The following EPHB6 variants were observed in gnomAD, a reference collection of about 807,000 sequenced individuals.
EPHB6 encodes ephrin type-B receptor 6.
A neutral mutation model predicts 107.0 loss-of-function variants in EPHB6; 51 were observed. That is an observed-to-expected ratio of 0.48 (90% CI 0.38 to 0.60). The LOEUF (loss-of-function observed/expected upper bound fraction) is 0.60. Ranked by LOEUF, EPHB6 falls within the 20% of genes least tolerant of loss-of-function variation. The probability of loss-of-function intolerance (pLI) is 0.00; values close to 1 mark genes in which losing one functional copy is unlikely to be tolerated. For missense variants in EPHB6, 1,141 were observed against 1,355.5 expected (o/e 0.84, Z 2.48); for synonymous variants, 553 against 549.0 (o/e 1.01, Z -0.10).
In EPHB6 at chr7:142,864,482, C is replaced by T. The variant is rs1803034716; in HGVS notation, c.682C>T (p.Leu228Phe). Residue 228 changes from leucine (L) to phenylalanine (F), a missense_variant, in exon 7 of 20, where the codon CTC becomes TTC. By Grantham distance (22) the Leu-to-Phe change is conservative (BLOSUM62 0). Transcript: ENST00000652003. ...GACLALVAVR[L>F]FSYTCPAVLR... ...CTGCCTGGCCCTGGTCGCTGTCAGG[C>T]TCTTCTCCTACACCTGCCCTGCCGT... is the stretch of plus-strand genomic sequence containing the variant. 1.9e-6 allele frequency: 3 copies of T among 1,613,168 alleles called. No individual in the cohort carries two copies. The East Asian group carries it at 6.7e-5, about 36-fold the overall frequency.
chr7:142,870,972 G>T lies in EPHB6; in HGVS notation c.*68G>T. 6.8e-7 allele frequency: 1 copy of T among 1,461,958 alleles called. No homozygotes were observed. Among genetic ancestry groups the T allele is most frequent in the Non-Finnish European group, 9.3e-7 (1 of 1,071,652 alleles). The allele number at this position is 1,461,958 out of a possible 1,614,324, so 90.6% of individuals were successfully genotyped here. On this transcript the variant is annotated 3_prime_UTR_variant, in exon 20 of 20. Transcript: ENST00000652003. ...AAGGGACATGTGGGACGTGAGCCGGGCTCCAACAGCCTCTGTGAGAGATGC... is the reference window on the plus strand; with the variant it reads ...AAGGGACATGTGGGACGTGAGCCGGTCTCCAACAGCCTCTGTGAGAGATGC...
chr7:142,864,606 C>T lies in EPHB6; in HGVS notation c.806C>T (p.Pro269Leu). ...GGCACCTGTGTGGCTCATGCAGAGCCAGAGGAGGATGGAGTAGGGGGCCAG... is the reference window on the plus strand; with the variant it reads ...GGCACCTGTGTGGCTCATGCAGAGCTAGAGGAGGATGGAGTAGGGGGCCAG... ...AVGTCVAHAE[P>L]EEDGVGGQAG... Residue 269 changes from proline to leucine, a missense_variant, in exon 7 of 20, where the codon CCA (proline) becomes CTA (leucine). Around this residue, in one of 3 missense-constraint regions of EPHB6, gnomAD observed 304 missense variants for 295.7 expected, o/e 1.03. Transcript: ENST00000652003. 6.2e-7 allele frequency: 1 copy of T among 1,612,742 alleles called. No homozygotes were observed. The highest frequency in any genetic ancestry group is 1.1e-5 in the South Asian group (1 of 91,056).
Position 142,869,292 on chromosome 7 carries a change from T to C in EPHB6, c.2460+145T>C, listed in dbSNP as rs1794781918. 1.0e-6 allele frequency: 1 copy of C among 952,590 alleles called. No individual in the cohort carries two copies. The highest frequency in any genetic ancestry group is 2.4e-5 in the Admixed American group (1 of 41,906). The allele number at this position is 952,590 out of a possible 1,614,324, so 59.0% of individuals were successfully genotyped here. A position where few individuals can be genotyped will look rare whatever the true frequency, so the allele number is the denominator to read the frequency against. On this transcript the variant is annotated intron_variant, in intron 16 of 19. Transcript: ENST00000652003. This position sits in a 1 kb window ranked among gnomAD's most constrained non-coding sequence, Gnocchi z 4.5. Reference sequence around the variant, plus strand: ...AAAGGAGGGAGGCTCTCCTGTGTGATGGGGAGATGAAAGCCTAGGCGACGG... The same window carrying C: ...AAAGGAGGGAGGCTCTCCTGTGTGACGGGGAGATGAAAGCCTAGGCGACGG...
At position 142,870,802 on chromosome 7, in the gene EPHB6, G is replaced by A; in HGVS notation, c.2967G>A (p.Leu989=). 6.2e-7 allele frequency: 1 copy of A among 1,614,176 alleles called. No homozygotes were observed. Among genetic ancestry groups the A allele is most frequent in the Non-Finnish European group, 8.5e-7 (1 of 1,179,990 alleles). The part of the protein sequence containing the change: ...SDVAQLSLED[L]PALGITLAGH... ...TCCCTTCCCTCCCCACCAGAGACCT[G>A]CCTGCCCTGGGCATCACCCTGGCTG... The change falls in exon 20 of 20, where the codon CTG becomes CTA. Residue 989 remains leucine (L), a synonymous_variant. Transcript: ENST00000652003.
In EPHB6 at chr7:142,869,934, G is replaced by C. The variant is rs1400827489; in HGVS notation, c.2578G>C (p.Glu860Gln). Residue 860 changes from glutamate to glutamine, a missense_variant, in exon 17 of 20, where the codon GAA becomes CAA. This residue lies in a region of EPHB6 where 616 missense variants were observed against 759.3 expected (regional missense o/e 0.81). Transcript: ENST00000652003. The surrounding 1 kb of genome is among the most constrained non-coding windows in gnomAD (Gnocchi z 4.5). The part of the protein sequence containing the change: ...ILMWEVMSYG[E>Q]RPYWDMSEQE... ...CATGTGGGAAGTGATGAGTTATGGA[G>C]AACGGCCTTACTGGGACATGAGTGA... is the stretch of plus-strand genomic sequence containing the variant. 2 of 1,614,080 alleles carry C rather than the reference G, an allele frequency of 1.2e-6. No individual in the cohort carries two copies. Among genetic ancestry groups the C allele is most frequent in the African/African-American group, 2.7e-5 (2 of 74,920 alleles).
At chr7:142,863,918 C>T (rs1210144528) in intron 6 of EPHB6, 48 bp from the exon 7 acceptor site, 3 of 1,613,614 alleles carry the variant, frequency 1.9e-6, no homozygotes, top group Admixed American at 1.7e-5. Flanking sequence ...TCTACCTCGC[C>T]GTGCTTAAGC....
Position 142,867,940 on chromosome 7 carries a change from G to C in EPHB6, c.1866-57G>C. 1 of 1,549,520 alleles carries C rather than the reference G, an allele frequency of 6.5e-7. No individual in the cohort carries two copies. Among genetic ancestry groups the C allele is most frequent in the Non-Finnish European group, 8.7e-7 (1 of 1,146,780 alleles). On this transcript the variant is annotated intron_variant, in intron 12 of 19. Coordinates refer to ENST00000652003, the MANE Select transcript of EPHB6 (RefSeq NM_004445.6). This position sits in a 1 kb window ranked among gnomAD's most constrained non-coding sequence, Gnocchi z 5.3. ...AAGAGCAGTCTGGAGGGTGACAAGG[G>C]GGCAGCAAGGGGGTGGAAATGGGAG...
Position 142,867,815 on chromosome 7 carries a change from C to T in EPHB6, c.1865+93C>T, listed in dbSNP as rs758199758. On this transcript the variant is annotated intron_variant, in intron 12 of 19. Coordinates refer to ENST00000652003, the MANE Select transcript of EPHB6 (RefSeq NM_004445.6). This position sits in a 1 kb window ranked among gnomAD's most constrained non-coding sequence, Gnocchi z 5.3. Reference sequence around the variant, plus strand: ...CAAGTCTGGAGCCCCCTGCAGAAACCTCACACTGGTGCTCCTCCCGTCAGC... The same window carrying T: ...CAAGTCTGGAGCCCCCTGCAGAAACTTCACACTGGTGCTCCTCCCGTCAGC... 115 of 1,434,530 alleles carry T rather than the reference C, an allele frequency of 8.0e-5. No homozygotes were observed. The highest frequency in any genetic ancestry group is 1.0e-4 in the Non-Finnish European group (105 of 1,044,564). 88.9% of individuals were successfully genotyped at this position (1,434,530 alleles called of 1,614,324 possible). A position where few individuals can be genotyped will look rare whatever the true frequency, so the allele number is the denominator to read the frequency against.
rs1461371505 is a variant in EPHB6 at position 142,869,966 on chromosome 7, G to A, written c.2610G>A (p.Glu870=). Residue 870 remains glutamate (E), a splice_region_variant and synonymous_variant, in exon 17 of 20, where the codon GAG becomes GAA. Coordinates refer to ENST00000652003, the MANE Select transcript of EPHB6 (RefSeq NM_004445.6). This position sits in a 1 kb window ranked among gnomAD's most constrained non-coding sequence, Gnocchi z 4.5. ...ERPYWDMSEQ[E]VLNAIEQEFR... is the part of the protein sequence containing the mutation. ...CTTACTGGGACATGAGTGAGCAGGA[G>A]GTGAGCACTGACCTAGACACTGCTG... 2 of 1,614,152 alleles carry A rather than the reference G, an allele frequency of 1.2e-6. No individual in the cohort carries two copies. The highest frequency in any genetic ancestry group is 1.7e-6 in the Non-Finnish European group (2 of 1,180,022).
At chr7:142,863,803 G>A (rs1802972417) in intron 6 of EPHB6, 108 bp downstream of exon 6, 20 of 1,488,382 alleles carry the variant, frequency 1.3e-5, no homozygotes, top group Non-Finnish European at 1.8e-5. Context: ...ATGGGAAAAG[G>A]ATCCCTCCCT....
Position 142,864,450 on chromosome 7 carries a change from CG to C in EPHB6, c.655del (p.Ala219ProfsTer56). On this transcript the variant is annotated frameshift_variant, in exon 7 of 20. Transcript: ENST00000652003. LOFTEE classifies it high-confidence loss of function. ...GGCTTCTACGTGGCCTTCCAGGACA[CG>C]GGGGCCTGCCTGGCCCTGGTCGCTG... ...QRGFYVAFQD[T>X]GACLALVAVR... 1.2e-6 allele frequency: 2 copies of C among 1,612,410 alleles called. No homozygotes were observed. The highest frequency in any genetic ancestry group is 8.5e-7 in the Non-Finnish European group (1 of 1,179,538).
Position 142,869,673 on chromosome 7 carries a change from TATC to T in EPHB6, c.2461-140_2461-138del. Reference sequence around the variant, plus strand: ...TTCTGCTTCTGTGAAATGGAGATGATATCATCCACCTTAGAGGGTTGTTATGAG... The same window carrying T: ...TTCTGCTTCTGTGAAATGGAGATGATATCCACCTTAGAGGGTTGTTATGAG... On this transcript the variant is annotated intron_variant, in intron 16 of 19. Transcript: ENST00000652003. This position sits in a 1 kb window ranked among gnomAD's most constrained non-coding sequence, Gnocchi z 4.5. 5 of 937,318 alleles carry T rather than the reference TATC, an allele frequency of 5.3e-6. No homozygotes were observed. The highest frequency in any genetic ancestry group is 8.3e-6 in the Non-Finnish European group (5 of 601,194). The allele number at this position is 937,318 out of a possible 1,614,324, so 58.1% of individuals were successfully genotyped here.
At position 142,864,172 on chromosome 7, in the gene EPHB6, C is replaced by T. The variant is rs2116417166; in HGVS notation, c.372C>T (p.Cys124=). Reference sequence around the variant, plus strand: ...GCCTGGGTGTGAGCGGCGGCACCTGCCGGGAGACCTTCACCCTTTACTACC... The same window carrying T: ...GCCTGGGTGTGAGCGGCGGCACCTGTCGGGAGACCTTCACCCTTTACTACC... ...CSSLGVSGGT[C]RETFTLYYRQ... Residue 124 remains cysteine, a synonymous_variant, in exon 7 of 20, where the codon TGC becomes TGT. Coordinates refer to ENST00000652003, the MANE Select transcript of EPHB6 (RefSeq NM_004445.6). 2 of 1,613,902 alleles carry T rather than the reference C, an allele frequency of 1.2e-6. No homozygotes were observed. The highest frequency in any genetic ancestry group is 1.7e-6 in the Non-Finnish European group (2 of 1,180,040).
In EPHB6 at chr7:142,858,570, G is replaced by A. The variant is rs554010162; in HGVS notation, c.-431-2482G>A. On this transcript the variant is annotated intron_variant, in intron 1 of 19. Transcript: ENST00000652003. ...CCTGCCTCAGCCTCCCCAGCAGCTG[G>A]GACTACAGGCACACGCCACCACGCC... is the stretch of plus-strand genomic sequence containing the variant. Among the ~76,000 whole-genome samples the A allele has an allele frequency of 2.8e-3, 414 of 148,466 alleles. 1 individual carries two copies. The highest frequency in any genetic ancestry group is 4.6e-3 in the Non-Finnish European group (308 of 67,270).
Position 142,868,700 on chromosome 7 carries a change from G to C in EPHB6, c.2247G>C (p.Thr749=). Residue 749 remains threonine (T), a synonymous_variant, in exon 15 of 20, where the codon ACG becomes ACC. Transcript: ENST00000652003. This position sits in a 1 kb window ranked among gnomAD's most constrained non-coding sequence, Gnocchi z 4.2. ...AGAGCCGACCCCTCATGGTGCTGACGGAGTTCATGGAGCTTGGCCCCCTGG... is the reference window on the plus strand; with the variant it reads ...AGAGCCGACCCCTCATGGTGCTGACCGAGTTCATGGAGCTTGGCCCCCTGG... ...VTKSRPLMVL[T]EFMELGPLDS... is the part of the protein sequence containing the mutation. The C allele has an allele frequency of 6.2e-7, 1 of 1,613,964 alleles. No individual in the cohort carries two copies. The highest frequency in any genetic ancestry group is 8.5e-7 in the Non-Finnish European group (1 of 1,180,018).
In EPHB6 at chr7:142,866,351, C is replaced by T. The variant is rs758560480; in HGVS notation, c.1462+35C>T. On this transcript the variant is annotated intron_variant, in intron 9 of 19. Transcript: ENST00000652003. This position sits in a 1 kb window ranked among gnomAD's most constrained non-coding sequence, Gnocchi z 5.2. ...TTTCCTTGGCCTTCAGGATCCCCTG[C>T]CTCCGCTCCTTTGAGCCCCCTTCCC... 8.6e-5 allele frequency: 139 copies of T among 1,612,406 alleles called. No individual in the cohort carries two copies. The highest frequency in any genetic ancestry group is 1.2e-4 in the Non-Finnish European group (137 of 1,179,336).
rs1416480772 is a variant in EPHB6 at position 142,864,400 on chromosome 7, G to A, written c.600G>A (p.Arg200=). The change falls in exon 7 of 20, where the codon CGG becomes CGA. Residue 200 remains arginine, a synonymous_variant. Coordinates refer to ENST00000652003, the MANE Select transcript of EPHB6 (RefSeq NM_004445.6). ...GACTGCAACTGAACGTCAAAGAGCG[G>A]AGCTTTGGGCCTCTCACCCAACGCG... The part of the protein sequence containing the change: ...RAGLQLNVKE[R]SFGPLTQRGF... 6.2e-7 allele frequency: 1 copy of A among 1,612,762 alleles called. No individual in the cohort carries two copies. The highest frequency in any genetic ancestry group is 1.3e-5 in the African/African-American group (1 of 74,924).
At position 142,864,430 on chromosome 7, in the gene EPHB6, C is replaced by T. The variant is rs1222709870; in HGVS notation, c.630C>T (p.Phe210=). 4 of 1,612,142 alleles carry T rather than the reference C, an allele frequency of 2.5e-6. No homozygotes were observed. Among genetic ancestry groups the T allele is most frequent in the Non-Finnish European group, 3.4e-6 (4 of 1,179,278 alleles). The change falls in exon 7 of 20, where the codon TTC becomes TTT. Residue 210 remains phenylalanine, a synonymous_variant. Transcript: ENST00000652003. ...TTGGGCCTCTCACCCAACGCGGCTT[C>T]TACGTGGCCTTCCAGGACACGGGGG... ...RSFGPLTQRG[F]YVAFQDTGAC... is the part of the protein sequence containing the mutation.
In EPHB6 at chr7:142,868,436, C is replaced by G. The variant is rs2116468741; in HGVS notation, c.2039-56C>G. The G allele has an allele frequency of 6.2e-7, 1 of 1,614,018 alleles. No individual in the cohort carries two copies. The highest frequency in any genetic ancestry group is 8.5e-7 in the Non-Finnish European group (1 of 1,179,898). ...TCCGCTGGCCAGAGTCCCATCCAAA[C>G]ACAGCAGGACGCTGTGAGCCTTGAT... On this transcript the variant is annotated intron_variant, in intron 14 of 19. Transcript: ENST00000652003. This position sits in a 1 kb window ranked among gnomAD's most constrained non-coding sequence, Gnocchi z 4.2.
Sources: gnomAD v4.1 joint callset for allele counts (sites outside exome capture counted in the v4.1 genomes callset) on GRCh38, gnomAD v4.1.1 for gene constraint, gnomAD v4.1.1 regional missense constraint, Gnocchi (gnomAD v3.1) non-coding constraint, MANE v1.5 for transcripts, NCBI Gene and HGNC (gene_info 2026-07-23, HGNC 2026-07-21) for gene names.